PTPRT: variants seen among roughly 807,000 people sequenced by gnomAD.
The protein encoded by PTPRT is receptor-type tyrosine-protein phosphatase T.
In PTPRT, 56 loss-of-function variants were observed where a neutral mutation model predicts 176.8. The ratio of observed to expected loss-of-function variants is 0.32; its 90% confidence interval spans 0.26 to 0.40. The LOEUF is 0.40. Ranked by LOEUF, PTPRT falls within the 10% of genes least tolerant of loss-of-function variation. PTPRT has a pLI of 1.00. For missense variants in PTPRT, 1,540 were observed against 1,908.2 expected (o/e 0.81, Z 3.60); for synonymous variants, 783 against 739.0 (o/e 1.06, Z -0.96).
intron 1 of PTPRT, chr20:42,971,107 A>G (rs946492977): frequency 6.6e-6 from 1 of 152,232 alleles, no homozygotes; most frequent in Non-Finnish European, 1.5e-5. Context: ...ATTTCTCCTA[A>G]TTAGTTTTAG....
At chr20:42,886,446 C>G (rs2079104339) in intron 1 of PTPRT, among the ~76,000 whole-genome samples, 1 of 152,154 alleles carries the variant, frequency 6.6e-6, no homozygotes, top group South Asian at 2.1e-4. Context: ...ACAGAAATAC[C>G]ATGAGGAATA....
Position 43,129,342 on chromosome 20 carries a change from C to T in PTPRT, c.88+60304G>A, listed in dbSNP as rs574440176. Among the ~76,000 whole-genome samples the T allele has an allele frequency of 5.3e-5, 8 of 152,312 alleles. No individual in the cohort carries two copies. The East Asian group carries it at 1.4e-3, about 26-fold the overall frequency. ...AGCACCAAGCCACGAGGACAAGAGT[C>T]GAATTGACAGGCCCCTCTCCCCACA... On this transcript the variant is annotated intron_variant, in intron 1 of 30. Coordinates refer to ENST00000373187, the MANE Select transcript of PTPRT (RefSeq NM_007050.6).
At chr20:42,909,956 G>A (rs907348015) in intron 1 of PTPRT, among the ~76,000 whole-genome samples, 3 of 152,112 alleles carry the variant, frequency 2.0e-5, no homozygotes, top group South Asian at 2.1e-4. Flanking sequence ...TCAGAGTCTC[G>A]TTAATTTTCT....
chr20:42,093,479 T>A (rs896351249), intron 27 of PTPRT, among the ~76,000 whole-genome samples: 1 of 152,144 alleles, frequency 6.6e-6, no homozygotes, highest in African/African-American at 2.4e-5. Context: ...GAAAGAAAAT[T>A]TGGGGCTGAC....
At chr20:42,738,078 G>C (rs146137859) in intron 6 of PTPRT, among the ~76,000 whole-genome samples, 50 of 152,256 alleles carry the variant, frequency 3.3e-4, no homozygotes, top group Middle Eastern at 3.4e-3. Context: ...CAGAAGTGTA[G>C]GTGCATGCCC....
chr20:42,452,072 C>T (rs1336325905), intron 8 of PTPRT, among the ~76,000 whole-genome samples: 10 of 152,070 alleles, frequency 6.6e-5, no homozygotes, highest in Admixed American at 6.5e-4. Context: ...AGATTGAGAC[C>T]ATCCTGGCCA....
rs183077145 is a variant in PTPRT at position 42,782,110 on chromosome 20, G to T, written c.487-1811C>A. On this transcript the variant is annotated intron_variant, in intron 3 of 30. Transcript: ENST00000373187. ...TGACCATTCTTCTACAACTGTCAGT[G>T]TTCATAGACTCTCCATTTCTGGGTC... Among the ~76,000 whole-genome samples the T allele has an allele frequency of 1.1e-4, 17 of 152,306 alleles. No homozygotes were observed. In the East Asian group the frequency reaches 3.3e-3, roughly 29 times the overall value.
chr20:42,099,329 C>A (rs1479827908), intron 26 of PTPRT, among the ~76,000 whole-genome samples: 1 of 152,004 alleles, frequency 6.6e-6, no homozygotes, highest in Non-Finnish European at 1.5e-5. Context: ...AATGATGTCA[C>A]ACAGATTGAA....
intron 1 of PTPRT, among the ~76,000 whole-genome samples, chr20:43,186,783 G>A (rs1380627386): frequency 1.3e-5 from 2 of 152,178 alleles, no homozygotes; most frequent in South Asian, 2.1e-4. Context: ...AGTAAAATTC[G>A]ACTGTACTGC....
At chr20:43,176,610 T>A (rs1232116505) in intron 1 of PTPRT, among the ~76,000 whole-genome samples, 1 of 152,178 alleles carries the variant, frequency 6.6e-6, no homozygotes, top group Non-Finnish European at 1.5e-5. Context: ...TTCTAAAGAG[T>A]GTAGCCTTCC....
intron 2 of PTPRT, among the ~76,000 whole-genome samples, chr20:42,828,145 G>A (rs1167571402): frequency 1.3e-5 from 2 of 152,206 alleles, no homozygotes; most frequent in African/African-American, 4.8e-5. Flanking sequence ...TGACCAGAAT[G>A]CTGATAGTCA....
chr20:42,703,797 T>C (rs1419306238), intron 6 of PTPRT, among the ~76,000 whole-genome samples: 2 of 152,162 alleles, frequency 1.3e-5, no homozygotes, highest in Non-Finnish European at 2.9e-5. Context: ...CCACCTCTAC[T>C]TGCCCCTGCA....
At chr20:42,093,070 T>C (rs1006038381) in intron 27 of PTPRT, among the ~76,000 whole-genome samples, 20 of 152,328 alleles carry the variant, frequency 1.3e-4, no homozygotes, top group Middle Eastern at 6.8e-3. Flanking sequence ...TGTGGACATC[T>C]CTGGTGGGGC....
chr20:42,126,744 T>G (rs1987875382), intron 19 of PTPRT, among the ~76,000 whole-genome samples: 1 of 152,198 alleles, frequency 6.6e-6, no homozygotes, highest in Non-Finnish European at 1.5e-5. Context: ...GTCTTAAAAG[T>G]CAGTATTTCC....
intron 2 of PTPRT, 127 bp from the exon 3 acceptor site, chr20:42,791,593 G>T (rs1600743872): frequency 2.8e-6 from 3 of 1,076,260 alleles, no homozygotes; most frequent in South Asian, 1.8e-5. Flanking sequence ...CTCTAGAAGG[G>T]TCTGGGTGAC....
At chr20:42,332,501 C>T (rs775349042) in intron 11 of PTPRT, among the ~76,000 whole-genome samples, 4 of 152,232 alleles carry the variant, frequency 2.6e-5, no homozygotes, top group Non-Finnish European at 2.9e-5. Context: ...TGAGCCACTG[C>T]GCCCGGCCAG....
intron 15 of PTPRT, among the ~76,000 whole-genome samples, chr20:42,212,592 A>G (rs2055670238): frequency 6.6e-6 from 1 of 152,122 alleles, no homozygotes; most frequent in Non-Finnish European, 1.5e-5. Flanking sequence ...ATGTCAGACT[A>G]GCTGTGCAAG....
At chr20:42,309,212 C>G (rs2057590314) in intron 12 of PTPRT, among the ~76,000 whole-genome samples, 1 of 152,192 alleles carries the variant, frequency 6.6e-6, no homozygotes. Flanking sequence ...ATGAGTTTGC[C>G]ACACTTGTTT....
intron 12 of PTPRT, among the ~76,000 whole-genome samples, chr20:42,313,170 A>C (rs1481327966): frequency 6.6e-6 from 1 of 152,190 alleles, no homozygotes; most frequent in Non-Finnish European, 1.5e-5. Flanking sequence ...TACAAATGCC[A>C]TGGCAATGTC....
Sources: gnomAD v4.1 joint callset for allele counts (sites outside exome capture counted in the v4.1 genomes callset) on GRCh38, gnomAD v4.1.1 for gene constraint, MANE v1.5 for transcripts, NCBI Gene and HGNC (gene_info 2026-07-23, HGNC 2026-07-21) for gene names.